The following MYRIP variants were observed in gnomAD, a reference collection of about 807,000 sequenced individuals.
MYRIP encodes rab effector MyRIP.
In MYRIP, 49 loss-of-function variants were observed where a neutral mutation model predicts 98.0. The observed-to-expected ratio is 0.50, with a 90% confidence interval of 0.40 to 0.63. MYRIP has a LOEUF of 0.63. Among genes scored for constraint, MYRIP ranks in the 30% least tolerant of loss-of-function variants. MYRIP has a pLI of 0.00. For missense variants in MYRIP, 1,004 were observed against 1,058.2 expected (o/e 0.95, Z 0.71); for synonymous variants, 404 against 409.5 (o/e 0.99, Z 0.16).
intron 2 of MYRIP, among the ~76,000 whole-genome samples, chr3:39,942,837 A>G (rs1944820985): frequency 6.6e-6 from 1 of 152,064 alleles, no homozygotes; most frequent in Admixed American, 6.6e-5. Context: ...AGCTCTGGTA[A>G]TTACCAATCT....
At chr3:39,825,423 T>C (rs1372512168) in intron 1 of MYRIP, among the ~76,000 whole-genome samples, 1 of 152,168 alleles carries the variant, frequency 6.6e-6, no homozygotes, top group Non-Finnish European at 1.5e-5. Context: ...TTTCATTAAA[T>C]TTTTTCATTG....
intron 1 of MYRIP, among the ~76,000 whole-genome samples, chr3:39,859,633 C>T (rs1419409660): frequency 6.6e-6 from 1 of 152,076 alleles, no homozygotes; most frequent in African/African-American, 2.4e-5. Flanking sequence ...AAATATTAGC[C>T]AACTTAACAG....
chr3:40,166,477 C>T lies in MYRIP; in HGVS notation c.551-369C>T, dbSNP rs1339261317. ...TTGGATGATGAAAGCAAGCCCAGAA[C>T]CTGGGACAGACCTCCAGCCAAGGGC... On this transcript the variant is annotated intron_variant, in intron 5 of 16. Coordinates refer to ENST00000302541, the MANE Select transcript of MYRIP (RefSeq NM_015460.4). 3.9e-5 allele frequency among the ~76,000 whole-genome samples: 6 copies of T among 152,072 alleles called. No individual in the cohort carries two copies. The South Asian group carries it at 8.3e-4, about 21-fold the overall frequency.
At chr3:39,953,568 A>G (rs1405328766) in intron 2 of MYRIP, among the ~76,000 whole-genome samples, 1 of 152,142 alleles carries the variant, frequency 6.6e-6, no homozygotes, top group Non-Finnish European at 1.5e-5. Flanking sequence ...GGGTGGTTCC[A>G]AGATGGCCAA....
chr3:39,993,273 C>G (rs1188360902), intron 2 of MYRIP, among the ~76,000 whole-genome samples: 1 of 152,190 alleles, frequency 6.6e-6, no homozygotes, highest in Admixed American at 6.5e-5. Flanking sequence ...TCCTCGTGGC[C>G]TAATCACCTC....
chr3:39,959,832 T>G (rs1945275968), intron 2 of MYRIP, among the ~76,000 whole-genome samples: 1 of 152,086 alleles, frequency 6.6e-6, no homozygotes, highest in African/African-American at 2.4e-5. Flanking sequence ...TTCAACAGAT[T>G]TATATCCGGA....
chr3:39,895,428 C>T (rs541148537), intron 1 of MYRIP, among the ~76,000 whole-genome samples: 1 of 152,206 alleles, frequency 6.6e-6, no homozygotes, highest in South Asian at 2.1e-4. Flanking sequence ...CTCAAGTGAT[C>T]CACCCACCTC....
intron 2 of MYRIP, among the ~76,000 whole-genome samples, chr3:39,959,599 C>G (rs577618618): frequency 6.6e-6 from 1 of 151,740 alleles, no homozygotes; most frequent in Non-Finnish European, 1.5e-5. Flanking sequence ...GTGCAGCACA[C>G]CAGCATGGCA....
rs1947908767 is a variant in MYRIP, at chr3:40,057,535, C to T, written c.332+13264C>T. On this transcript the variant is annotated intron_variant, in intron 3 of 16. Transcript: ENST00000302541. ...GACCTGTAAGAACAGGCACCATATGCCTTGGTAACTCCCAGCAAGTCCTGC... is the reference window on the plus strand; with the variant it reads ...GACCTGTAAGAACAGGCACCATATGTCTTGGTAACTCCCAGCAAGTCCTGC... Among the ~76,000 whole-genome samples, 3 of 152,146 alleles carry T rather than the reference C, an allele frequency of 2.0e-5. No homozygotes were observed. The South Asian group carries it at 6.2e-4, about 32-fold the overall frequency.
In MYRIP at chr3:39,867,201, G is replaced by A. The variant is rs886573794; in HGVS notation, c.-30-33586G>A. On this transcript the variant is annotated intron_variant, in intron 1 of 16. Transcript: ENST00000302541. ...CTCAAGGTGGATTAAAGGTTTAAATGTAAGACTTGAAACCATAAAACTCCC... is the reference window on the plus strand; with the variant it reads ...CTCAAGGTGGATTAAAGGTTTAAATATAAGACTTGAAACCATAAAACTCCC... 5.1e-4 allele frequency among the ~76,000 whole-genome samples: 77 copies of A among 152,282 alleles called. 2 individuals carry two copies. Among genetic ancestry groups the A allele is most frequent in the Admixed American group, 4.6e-3 (71 of 15,286 alleles).
At chr3:40,244,181 G>T (rs538172635) in intron 12 of MYRIP, among the ~76,000 whole-genome samples, 11 of 152,236 alleles carry the variant, frequency 7.2e-5, no homozygotes, top group African/African-American at 2.4e-4. Context: ...CATGTATTTT[G>T]TACTATTTGA....
chr3:40,151,480 A>G (rs1326980747), intron 4 of MYRIP, among the ~76,000 whole-genome samples: 1 of 152,222 alleles, frequency 6.6e-6, no homozygotes, highest in Non-Finnish European at 1.5e-5. Context: ...GGTATTCTTG[A>G]TCATCATCCC....
intron 2 of MYRIP, among the ~76,000 whole-genome samples, chr3:39,987,382 C>T (rs1331574664): frequency 6.6e-6 from 1 of 152,060 alleles, no homozygotes; most frequent in Non-Finnish European, 1.5e-5. Context: ...GTATATGTAC[C>T]ACACTTTCTT....
chr3:40,066,870 A>G (rs982215776), intron 3 of MYRIP, among the ~76,000 whole-genome samples: 2 of 152,208 alleles, frequency 1.3e-5, no homozygotes, highest in African/African-American at 2.4e-5. Context: ...CTATACTACA[A>G]CATGAATGAA....
At chr3:39,986,842 C>A (rs1946043454) in intron 2 of MYRIP, among the ~76,000 whole-genome samples, 1 of 152,112 alleles carries the variant, frequency 6.6e-6, no homozygotes, top group Non-Finnish European at 1.5e-5. Flanking sequence ...TTCCAGAGCT[C>A]CCAGGGGGTC....
chr3:39,845,033 A>G (rs527640273), intron 1 of MYRIP, among the ~76,000 whole-genome samples: 1 of 152,358 alleles, frequency 6.6e-6, no homozygotes, highest in Admixed American at 6.5e-5. Context: ...GCTGTATGTC[A>G]TCTCCAAAAT....
chr3:39,957,830 G>A (rs1327386833), intron 2 of MYRIP, among the ~76,000 whole-genome samples: 1 of 152,184 alleles, frequency 6.6e-6, no homozygotes, highest in Non-Finnish European at 1.5e-5. Context: ...CTTCAGCAAA[G>A]TCTCAGGATA....
At chr3:39,947,592 CACCTGGGAGCTTGTTAGAAA>C (rs1944931671) in intron 2 of MYRIP, among the ~76,000 whole-genome samples, 1 of 152,052 alleles carries the variant, frequency 6.6e-6, no homozygotes, top group Admixed American at 6.6e-5. Context: ...GCCATGGTTT[CACCTGGGAGCTTGTTAGAAA>C]TACAGACTCA....
intron 2 of MYRIP, among the ~76,000 whole-genome samples, chr3:40,025,503 G>A (rs1384483574): frequency 2.0e-5 from 3 of 152,088 alleles, no homozygotes; most frequent in African/African-American, 4.8e-5. Flanking sequence ...TATACTCTAA[G>A]GTGGGTTTAC....
Sources: allele counts gnomAD v4.1 joint callset (sites outside exome capture counted in the v4.1 genomes callset), GRCh38; gene constraint gnomAD v4.1.1; transcripts MANE v1.5; gene names NCBI Gene and HGNC (gene_info 2026-07-23, HGNC 2026-07-21).